The following CDH19 variants were observed in gnomAD, a reference collection of about 807,000 sequenced individuals.
The protein encoded by CDH19 is cadherin-19.
In CDH19, 67 loss-of-function variants were observed where a neutral mutation model predicts 64.2. The ratio of observed to expected loss-of-function variants is 1.04; its 90% CI spans 0.86 to 1.28. CDH19 has a LOEUF of 1.28. CDH19 is among the 50% of genes most tolerant of loss of function. The probability of loss-of-function intolerance (pLI) is 0.00; values close to 1 mark genes in which losing one functional copy is unlikely to be tolerated. For missense variants in CDH19, 1,030 were observed against 929.0 expected (o/e 1.11, Z -1.41); for synonymous variants, 346 against 319.3 (o/e 1.08, Z -0.89).
chr18:66,550,187 A>G (rs73539788), intron 5 of CDH19, among the ~76,000 whole-genome samples: 2,674 of 152,186 alleles, frequency 0.018, 69 homozygotes, highest in African/African-American at 0.059. Context: ...TCCTGTAGCT[A>G]AAACAGTATA....
intron 9 of CDH19, among the ~76,000 whole-genome samples, chr18:66,528,711 G>T (rs184046797): frequency 6.6e-6 from 1 of 151,994 alleles, no homozygotes; most frequent in South Asian, 2.1e-4. Context: ...CAGTTAAGAT[G>T]TACCTATTTC....
chr18:66,527,133 T>A (rs912095450), intron 9 of CDH19, among the ~76,000 whole-genome samples: 4 of 151,470 alleles, frequency 2.6e-5, no homozygotes, highest in African/African-American at 7.3e-5. Flanking sequence ...TAAATTTTTT[T>A]AAATATCTAT....
intron 4 of CDH19, 73 bp downstream of exon 4, chr18:66,554,332 A>G: frequency 6.7e-7 from 1 of 1,486,616 alleles, no homozygotes; most frequent in Non-Finnish European, 9.3e-7. Context: ...ACATGTTTCT[A>G]AGCAGATAAT....
intron 3 of CDH19, among the ~76,000 whole-genome samples, chr18:66,558,484 C>T (rs1987603462): frequency 1.3e-5 from 2 of 151,590 alleles, no homozygotes; most frequent in Non-Finnish European, 2.9e-5. Flanking sequence ...GTATGTTTTC[C>T]TAATGAGTAA....
intron 9 of CDH19, among the ~76,000 whole-genome samples, chr18:66,512,278 C>G (rs1985527770): frequency 6.6e-6 from 1 of 151,608 alleles, no homozygotes; most frequent in East Asian, 1.9e-4. Flanking sequence ...GATCATAAAA[C>G]AATGAAGTAC....
rs944662022 is a variant in CDH19, at chr18:66,522,422, G to A, written c.1458+7423C>T. On this transcript the variant is annotated intron_variant, in intron 9 of 11. Transcript: ENST00000262150. ...TTCGCCACTACGCCCGGCTAATTTC[G>A]TATTTTTAGTAGAGACGGGGGTGCG... Among the ~76,000 whole-genome samples, 4 of 151,884 alleles carry A rather than the reference G, an allele frequency of 2.6e-5. No individual in the cohort carries two copies. In the East Asian group the frequency reaches 5.8e-4, roughly 22 times the overall value.
chr18:66,533,404 T>C (rs1007935179), intron 8 of CDH19, among the ~76,000 whole-genome samples: 14 of 152,176 alleles, frequency 9.2e-5, no homozygotes, highest in African/African-American at 3.1e-4. Context: ...TAGGTTCGTA[T>C]TTGTTATGGT....
Position 66,551,126 on chromosome 18 carries a change from T to TTA in CDH19, c.742_743insTA (p.Asp248ValfsTer17). On this transcript the variant is annotated frameshift_variant, in exon 5 of 12. Coordinates refer to ENST00000262150, the MANE Select transcript of CDH19 (RefSeq NM_021153.4). LOFTEE classifies it high-confidence loss of function. ...AAATATAGGCTTATTGTCATTAACATCTGAAAGTTTAATTAATACACTTGT... is the reference window on the plus strand; with the variant it reads ...AAATATAGGCTTATTGTCATTAACATTACTGAAAGTTTAATTAATACACTTGT... The TTA allele has an allele frequency of 6.2e-7, 1 of 1,604,728 alleles. No individual in the cohort carries two copies. The highest frequency in any genetic ancestry group is 8.5e-7 in the Non-Finnish European group (1 of 1,172,346).
chr18:66,603,465 G>T (rs1324968234), intron 1 of CDH19, among the ~76,000 whole-genome samples: 4 of 150,132 alleles, frequency 2.7e-5, no homozygotes, highest in South Asian at 2.1e-4. Flanking sequence ...AATTTTTTTG[G>T]AATTATAATA....
intron 1 of CDH19, among the ~76,000 whole-genome samples, chr18:66,589,188 C>A (rs1941729): frequency 0.34 from 50,491 of 150,170 alleles, 9,845 homozygotes; most frequent in Non-Finnish European, 0.45. Flanking sequence ...TGTTAGTTAA[C>A]CATGTTTATC....
chr18:66,591,070 T>C (rs570125247), intron 1 of CDH19, among the ~76,000 whole-genome samples: 2 of 151,932 alleles, frequency 1.3e-5, no homozygotes, highest in African/African-American at 4.8e-5. Context: ...TGTACCTCCA[T>C]GATACCATAG....
At chr18:66,529,465 T>C (rs1035308022) in intron 9 of CDH19, among the ~76,000 whole-genome samples, 1 of 151,164 alleles carries the variant, frequency 6.6e-6, no homozygotes, top group Non-Finnish European at 1.5e-5. Flanking sequence ...AGCAAATTTT[T>C]AAAAACATTT....
intron 1 of CDH19, among the ~76,000 whole-genome samples, chr18:66,579,535 G>A (rs1309465676): frequency 1.3e-5 from 2 of 151,626 alleles, no homozygotes; most frequent in Non-Finnish European, 2.9e-5. Context: ...CTCACCACAA[G>A]GTCTGAATAT....
chr18:66,527,037 A>ATT (rs760137556), intron 9 of CDH19, among the ~76,000 whole-genome samples: 1 of 112,780 alleles, frequency 8.9e-6, no homozygotes, highest in Non-Finnish European at 1.9e-5. Flanking sequence ...ATAAATATGT[A>ATT]TATATATATA....
intron 8 of CDH19, among the ~76,000 whole-genome samples, chr18:66,534,352 C>A (rs975241030): frequency 6.6e-6 from 1 of 151,888 alleles, no homozygotes; most frequent in African/African-American, 2.4e-5. Context: ...TCCACTCCAC[C>A]ATATCACCTG....
intron 9 of CDH19, among the ~76,000 whole-genome samples, chr18:66,528,465 C>T (rs549975981): frequency 6.6e-6 from 1 of 152,214 alleles, no homozygotes; most frequent in East Asian, 1.9e-4. Context: ...CTTTTACTTT[C>T]CCAAATCCTT....
chr18:66,508,287 A>G (rs1444749038), intron 11 of CDH19, among the ~76,000 whole-genome samples: 1 of 151,984 alleles, frequency 6.6e-6, no homozygotes. Context: ...ACAAAGTTTC[A>G]GTTAGACATT....
chr18:66,564,946 C>G (rs559987227), intron 3 of CDH19, among the ~76,000 whole-genome samples: 205 of 151,382 alleles, frequency 1.4e-3, no homozygotes, highest in African/African-American at 4.8e-3. Flanking sequence ...ATTTGATAGG[C>G]TGGCTATTCA....
intron 1 of CDH19, among the ~76,000 whole-genome samples, chr18:66,597,599 T>C (rs561595870): frequency 1.3e-5 from 2 of 152,248 alleles, no homozygotes; most frequent in South Asian, 4.1e-4. Flanking sequence ...AATTGACATG[T>C]GGGACCTAAT....
Sources: allele counts gnomAD v4.1 joint callset (sites outside exome capture counted in the v4.1 genomes callset), GRCh38; gene constraint gnomAD v4.1.1; transcripts MANE v1.5; gene names NCBI Gene and HGNC (gene_info 2026-07-23, HGNC 2026-07-21).